The following KDM4A variants were observed in gnomAD, a reference collection of about 807,000 sequenced individuals.
KDM4A encodes lysine demethylase 4A.
KDM4A carries 23 observed loss-of-function variants against 127.1 expected under a neutral mutation model. That is an observed-to-expected ratio of 0.18 (90% confidence interval 0.13 to 0.26). KDM4A has a LOEUF of 0.26. KDM4A is among the 10% of genes least tolerant of loss of function. The pLI is 1.00. For synonymous variants in KDM4A, 443 were observed against 466.5 expected (o/e 0.95, Z 0.65); for missense variants, 890 against 1,329.1 (o/e 0.67, Z 5.14).
intron 6 of KDM4A, 185 bp from the exon 7 acceptor site, chr1:43,666,267 G>C: frequency 1.7e-6 from 1 of 576,482 alleles, no homozygotes; most frequent in East Asian, 2.9e-5. Context: ...TGCCCTACAT[G>C]GGAGTGAGCC....
At chr1:43,695,650 A>G (rs538098871) in intron 18 of KDM4A, among the ~76,000 whole-genome samples, 18 of 152,312 alleles carry the variant, frequency 1.2e-4, no homozygotes, top group African/African-American at 4.1e-4. Flanking sequence ...AGTTTTTGAT[A>G]ATCACTCAGG....
At position 43,671,749 on chromosome 1, in the gene KDM4A, A is replaced by G. The variant is rs142569925; in HGVS notation, c.1608A>G (p.Gln536=). 2.8e-5 allele frequency: 45 copies of G among 1,613,970 alleles called. No homozygotes were observed. The African/African-American group carries it at 3.5e-4, about 12-fold the overall frequency. Residue 536 remains glutamine, a synonymous_variant, in exon 11 of 22, where the codon CAA becomes CAG. Transcript: ENST00000372396. The part of the protein sequence containing the change: ...ETSEPLSCRA[Q]GQTGVLTVHS... Reference sequence around the variant, plus strand: ...GTGAGCCTCTCTCCTGCCGAGCCCAAGGGCAAACGGGAGTTCTCACTGTGC... The same window carrying G: ...GTGAGCCTCTCTCCTGCCGAGCCCAGGGGCAAACGGGAGTTCTCACTGTGC...
intron 8 of KDM4A, 42 bp downstream of exon 8, chr1:43,667,133 T>C: frequency 6.2e-7 from 1 of 1,609,850 alleles, no homozygotes; most frequent in Non-Finnish European, 8.5e-7. Flanking sequence ...ATGACAAAAA[T>C]GAGCAAATTC....
At chr1:43,672,425 G>C (rs1660641917) in intron 11 of KDM4A, among the ~76,000 whole-genome samples, 1 of 151,964 alleles carries the variant, frequency 6.6e-6, no homozygotes, top group African/African-American at 2.4e-5. Context: ...CTGACCTCGT[G>C]ATCTGCCCAC....
intron 8 of KDM4A, among the ~76,000 whole-genome samples, chr1:43,667,356 C>T (rs765958811): frequency 5.9e-5 from 9 of 152,120 alleles, no homozygotes; most frequent in Admixed American, 1.3e-4. Context: ...TTATCCATTC[C>T]GAGATTTCTC....
chr1:43,694,047 T>A lies in KDM4A; in HGVS notation c.2429T>A (p.Ile810Asn). ...ATTCTGGAAGCAAGGTTTGTCAACA[T>A]TGCAGAAAGAAGTCCGGTGGATGTG... ...VAILEARFVN[I>N]AERSPVDVSK... The change falls in exon 17 of 22, where the codon ATT (isoleucine) becomes AAT (asparagine). Residue 810 changes from isoleucine (I) to asparagine (N), a missense_variant. Ile to Asn is a moderately radical substitution (Grantham distance 149). Transcript: ENST00000372396. The surrounding 1 kb of genome is among the most constrained non-coding windows in gnomAD (Gnocchi z 5.2). The A allele has an allele frequency of 6.2e-7, 1 of 1,614,230 alleles. No homozygotes were observed. Among genetic ancestry groups the A allele is most frequent in the Non-Finnish European group, 8.5e-7 (1 of 1,180,028 alleles).
In KDM4A at chr1:43,691,349, G is replaced by A. The variant is rs118071421; in HGVS notation, c.2243-147G>A. The A allele has an allele frequency of 1.1e-3, 857 of 750,994 alleles. 12 individuals are homozygous for A. In the East Asian group the frequency reaches 0.018, roughly 16 times the overall value. 46.5% of individuals were successfully genotyped at this position (750,994 alleles called of 1,614,324 possible). On this transcript the variant is annotated intron_variant, in intron 14 of 21. Transcript: ENST00000372396. The stretch of plus-strand genomic sequence containing the variant: ...ACTTTGAGCCATACTGTATGCCTGA[G>A]CCCTGGGGACTCAGACTAAAGAAAA...
In KDM4A at chr1:43,694,231, T is replaced by C; in HGVS notation, c.2484+129T>C. 1 of 737,084 alleles carries C rather than the reference T, an allele frequency of 1.4e-6. No individual in the cohort carries two copies. Among genetic ancestry groups the C allele is most frequent in the Non-Finnish European group, 2.3e-6 (1 of 442,690 alleles). 45.7% of individuals were successfully genotyped at this position (737,084 alleles called of 1,614,324 possible). On this transcript the variant is annotated intron_variant, in intron 17 of 21. Transcript: ENST00000372396. This position sits in a 1 kb window ranked among gnomAD's most constrained non-coding sequence, Gnocchi z 5.2. Reference sequence around the variant, plus strand: ...CTCACTCTGTGGTTAGATTCCTTAGTGGAGGCCAGGTGTGGTGGCTCACAC... The same window carrying C: ...CTCACTCTGTGGTTAGATTCCTTAGCGGAGGCCAGGTGTGGTGGCTCACAC...
chr1:43,704,238 C>G lies in KDM4A; in HGVS notation c.3063C>G (p.Ala1021=). 6.2e-7 allele frequency: 1 copy of G among 1,614,078 alleles called. No homozygotes were observed. The highest frequency in any genetic ancestry group is 8.5e-7 in the Non-Finnish European group (1 of 1,180,004). Residue 1021 remains alanine (A), a synonymous_variant, in exon 22 of 22, where the codon GCC becomes GCG. Coordinates refer to ENST00000372396, the MANE Select transcript of KDM4A (RefSeq NM_014663.3). ...PKRVKSRLSV[A]SDMRFNEIFT... is the part of the protein sequence containing the mutation. Reference sequence around the variant, plus strand: ...TGCTTATTCTTCTATAGTCAGTAGCCTCAGACATGCGCTTCAATGAGATTT... The same window carrying G: ...TGCTTATTCTTCTATAGTCAGTAGCGTCAGACATGCGCTTCAATGAGATTT...
chr1:43,679,093 A>G (rs1360971620), intron 11 of KDM4A, among the ~76,000 whole-genome samples: 3 of 152,076 alleles, frequency 2.0e-5, no homozygotes, highest in Non-Finnish European at 2.9e-5. Flanking sequence ...GCTTAGTGCA[A>G]CCCAGCCCTT....
chr1:43,697,809 C>A (rs374436784), intron 18 of KDM4A, 34 bp from the exon 19 acceptor site: 159 of 1,599,134 alleles, frequency 9.9e-5, no homozygotes, highest in Non-Finnish European at 1.3e-4. Flanking sequence ...GCAAACTCCA[C>A]GTGTGAGTAA....
intron 18 of KDM4A, among the ~76,000 whole-genome samples, chr1:43,695,594 G>A (rs981573396): frequency 6.6e-6 from 1 of 152,238 alleles, no homozygotes; most frequent in Admixed American, 6.5e-5. Flanking sequence ...ACTCTGACCT[G>A]TCTTCACTGG....
At chr1:43,691,428 G>A in intron 14 of KDM4A, 68 bp from the exon 15 acceptor site, 1 of 1,287,222 alleles carries the variant, frequency 7.8e-7, no homozygotes, top group Non-Finnish European at 1.1e-6. Context: ...TATATGGAAA[G>A]GAATTGCAAA....
intron 19 of KDM4A, among the ~76,000 whole-genome samples, chr1:43,698,900 C>T (rs921254797): frequency 1.3e-5 from 2 of 151,696 alleles, no homozygotes; most frequent in African/African-American, 4.8e-5. Flanking sequence ...GTGATCATCC[C>T]ACCTCAGCCT....
intron 10 of KDM4A, among the ~76,000 whole-genome samples, chr1:43,669,807 C>T (rs958096260): frequency 6.6e-6 from 1 of 152,116 alleles, no homozygotes; most frequent in African/African-American, 2.4e-5. Context: ...TGCCACCATG[C>T]CTGGCTAATT....
At chr1:43,673,167 C>A (rs1273404495) in intron 11 of KDM4A, among the ~76,000 whole-genome samples, 2 of 152,136 alleles carry the variant, frequency 1.3e-5, no homozygotes, top group African/African-American at 2.4e-5. Context: ...ACTGGACCCC[C>A]ACTACCCAAG....
chr1:43,662,208 T>C (rs546500216), intron 4 of KDM4A, among the ~76,000 whole-genome samples: 4 of 151,698 alleles, frequency 2.6e-5, no homozygotes, highest in African/African-American at 9.7e-5. Context: ...CCCACTGTCA[T>C]AGTTCCCATG....
At position 43,655,628 on chromosome 1, in the gene KDM4A, A is replaced by G; in HGVS notation, c.176A>G (p.Tyr59Cys). The change falls in exon 3 of 22, where the codon TAT (tyrosine) becomes TGT (cysteine). Residue 59 changes from tyrosine to cysteine, a missense_variant. Tyr to Cys is a radical substitution (Grantham distance 194, BLOSUM62 -2). This residue lies in a region of KDM4A where 29 missense variants were observed against 64.3 expected (regional missense o/e 0.45). Transcript: ENST00000372396. ...AAAGAGTGGAAGCCACGAGCATCCT[A>G]TGATGACATTGATGATTTGGTCATT... The part of the protein sequence containing the change: ...PPKEWKPRAS[Y>C]DDIDDLVIPA... The G allele has an allele frequency of 6.2e-7, 1 of 1,612,728 alleles. No individual in the cohort carries two copies.
At position 43,671,560 on chromosome 1, in the gene KDM4A, AGAG is replaced by A; in HGVS notation, c.1425_1427del (p.Glu475del). 1 of 1,601,018 alleles carries A rather than the reference AGAG, an allele frequency of 6.2e-7. No homozygotes were observed. ...AAGAGCTTAAAAATGTCAAACTAGA[AGAG>A]GAGGATGAGGAGGAAGAACAAGCAG... On this transcript the variant is annotated inframe_deletion, in exon 11 of 22. Transcript: ENST00000372396.
Sources: allele counts gnomAD v4.1 joint callset (sites outside exome capture counted in the v4.1 genomes callset), GRCh38; gene constraint gnomAD v4.1.1; regional missense constraint gnomAD v4.1.1; non-coding constraint Gnocchi (gnomAD v3.1); transcripts MANE v1.5; gene names NCBI Gene and HGNC (gene_info 2026-07-23, HGNC 2026-07-21).